The following TMTC4 variants were observed in gnomAD, a reference collection of about 807,000 sequenced individuals.
The protein encoded by TMTC4 is protein O-mannosyl-transferase TMTC4.
In TMTC4, 65 loss-of-function variants were observed where a neutral mutation model predicts 86.0. That is an observed-to-expected ratio of 0.76 (90% confidence interval 0.62 to 0.93). The LOEUF (loss-of-function observed/expected upper bound fraction) is 0.93. Ranked by LOEUF, TMTC4 falls within the 40% of genes least tolerant of loss-of-function variation. TMTC4 has a pLI of 0.00. For missense variants in TMTC4, 866 were observed against 948.1 expected (o/e 0.91, Z 1.14); for synonymous variants, 379 against 382.5 (o/e 0.99, Z 0.11).
chr13:100,617,716 C>G (rs1050495270), intron 15 of TMTC4, among the ~76,000 whole-genome samples: 2 of 152,154 alleles, frequency 1.3e-5, no homozygotes, highest in African/African-American at 4.8e-5. Context: ...GCACCAGTAC[C>G]ATACTGTTTT....
In TMTC4 at chr13:100,637,461, C is replaced by A; in HGVS notation, c.999+77G>T. 3.9e-6 allele frequency: 6 copies of A among 1,525,142 alleles called. No homozygotes were observed. In the Admixed American group the frequency reaches 1.2e-4, roughly 30 times the overall value. 94.5% of individuals were successfully genotyped at this position (1,525,142 alleles called of 1,614,324 possible). A position where few individuals can be genotyped will look rare whatever the true frequency, so the allele number is the denominator to read the frequency against. ...TTTGTTGGCGTGCAGAGGAGTGAGACGAGGAGGAGGGGTGAGGGATCTGGG... is the reference window on the plus strand; with the variant it reads ...TTTGTTGGCGTGCAGAGGAGTGAGAAGAGGAGGAGGGGTGAGGGATCTGGG... On this transcript the variant is annotated intron_variant, in intron 9 of 18. Transcript: ENST00000342624.
rs1880413563 is a variant in TMTC4 at position 100,625,814 on chromosome 13, C to T, written c.1665G>A (p.Glu555=). 3 of 1,613,820 alleles carry T rather than the reference C, an allele frequency of 1.9e-6. No individual in the cohort carries two copies. The highest frequency in any genetic ancestry group is 1.7e-4 in the Middle Eastern group (1 of 5,804). Residue 555 remains glutamate (E), a synonymous_variant, in exon 14 of 19, where the codon GAG becomes GAA. Coordinates refer to ENST00000342624, the MANE Select transcript of TMTC4 (RefSeq NM_032813.5). ...TTTGAACAGCCAAAGACAGCAGCTCCTCAGCTTCCTGTAGCTCATTCCTTT... is the reference window on the plus strand; with the variant it reads ...TTTGAACAGCCAAAGACAGCAGCTCTTCAGCTTCCTGTAGCTCATTCCTTT... ...LKERNELQEA[E]ELLSLAVQIQ... is the part of the protein sequence containing the mutation.
At chr13:100,632,053 A>ACTCTCTCTCTCTCTCTCTCTCTCTCT (rs67759381) in intron 12 of TMTC4, among the ~76,000 whole-genome samples, 1 of 43,110 alleles carries the variant, frequency 2.3e-5, no homozygotes, top group Non-Finnish European at 4.7e-5. Context: ...ACACACACAC[A>ACTCTCTCTCTCTCTCTCTCTCTCTCT]CTCTCTCTCT....
upstream of TMTC4, chr13:100,674,857 C>A (rs945881419): frequency 1.0e-5 from 10 of 972,226 alleles, no homozygotes; most frequent in Admixed American, 1.9e-4. Flanking sequence ...CGCACCCGAC[C>A]CCCCCCGCGC....
chr13:100,637,439 G>A, intron 9 of TMTC4, 99 bp downstream of exon 9: 1 of 1,450,108 alleles, frequency 6.9e-7, no homozygotes, highest in South Asian at 1.4e-5. Flanking sequence ...TGGGGATTTT[G>A]TTGGCGTGCA....
intron 17 of TMTC4, among the ~76,000 whole-genome samples, chr13:100,606,851 C>T (rs1876704170): frequency 6.6e-6 from 1 of 152,152 alleles, no homozygotes; most frequent in Non-Finnish European, 1.5e-5. Context: ...CAAGAACCTA[C>T]AACACTCTGG....
At chr13:100,651,504 A>G (rs2138968854) in intron 6 of TMTC4, among the ~76,000 whole-genome samples, 1 of 150,182 alleles carries the variant, frequency 6.7e-6, no homozygotes, top group African/African-American at 2.4e-5. Flanking sequence ...ACCAAAAAAA[A>G]AAAAAAAAAA....
At chr13:100,650,694 A>G (rs952174128) in intron 6 of TMTC4, among the ~76,000 whole-genome samples, 2 of 152,246 alleles carry the variant, frequency 1.3e-5, no homozygotes, top group South Asian at 2.1e-4. Context: ...ACACGGGTCC[A>G]TTTGGGGGAA....
chr13:100,655,803 G>A (rs1344904135), intron 6 of TMTC4, among the ~76,000 whole-genome samples: 3 of 152,168 alleles, frequency 2.0e-5, no homozygotes, highest in Non-Finnish European at 4.4e-5. Context: ...AATAAAAGGG[G>A]GTGGGAGTGG....
chr13:100,636,617 T>C lies in TMTC4; in HGVS notation c.1117A>G (p.Arg373Gly). The C allele has an allele frequency of 6.2e-7, 1 of 1,614,112 alleles. No individual in the cohort carries two copies. Among genetic ancestry groups the C allele is most frequent in the Non-Finnish European group, 8.5e-7 (1 of 1,180,022 alleles). The change falls in exon 10 of 19, where the codon AGG (arginine) becomes GGG (glycine). Residue 373 changes from arginine (R) to glycine (G), a missense_variant. Physicochemically the swap from Arg to Gly is moderately radical, Grantham distance 125. Transcript: ENST00000342624. ...CAGAGTGCTGCAAGTGCAATTACCCTCCAGTCGCTGATGGACTTAATGAGG... is the reference window on the plus strand; with the variant it reads ...CAGAGTGCTGCAAGTGCAATTACCCCCCAGTCGCTGATGGACTTAATGAGG... ...IPLIKSISDW[R>G]VIALAALWFC... is the part of the protein sequence containing the mutation.
intron 6 of TMTC4, among the ~76,000 whole-genome samples, chr13:100,647,196 G>C (rs553306262): frequency 6.6e-6 from 1 of 152,162 alleles, no homozygotes; most frequent in African/African-American, 2.4e-5. Flanking sequence ...TCTCCTATTA[G>C]CAGTTTATTT....
chr13:100,604,036 TC>T lies in TMTC4; in HGVS notation c.*957del, dbSNP rs1876207478. 6.6e-6 allele frequency: 1 copy of T among 152,576 alleles called. No individual in the cohort carries two copies. The highest frequency in any genetic ancestry group is 1.5e-5 in the Non-Finnish European group (1 of 68,018). The allele number at this position is 152,576 out of a possible 1,614,324, so 9.5% of individuals were successfully genotyped here. Reference sequence around the variant, plus strand: ...AGAACAAAACAAAACATTGTTTGGATCAAATAAAAAACAGCAGGAACAACTC... The same window carrying T: ...AGAACAAAACAAAACATTGTTTGGATAAATAAAAAACAGCAGGAACAACTC... On this transcript the variant is annotated 3_prime_UTR_variant, in exon 19 of 19. Coordinates refer to ENST00000342624, the MANE Select transcript of TMTC4 (RefSeq NM_032813.5).
At chr13:100,651,313 T>C (rs560076337) in intron 6 of TMTC4, among the ~76,000 whole-genome samples, 8 of 152,298 alleles carry the variant, frequency 5.3e-5, no homozygotes, top group Admixed American at 3.9e-4. Flanking sequence ...AGATGCCTCA[T>C]TGTAAGAATA....
chr13:100,630,890 T>TA (rs1361849274), intron 12 of TMTC4, among the ~76,000 whole-genome samples: 2 of 152,214 alleles, frequency 1.3e-5, no homozygotes, highest in African/African-American at 4.8e-5. Context: ...AAAAATCTGA[T>TA]ACAGCCTTAG....
intron 6 of TMTC4, among the ~76,000 whole-genome samples, chr13:100,648,532 A>G (rs931083508): frequency 1.3e-5 from 2 of 152,218 alleles, no homozygotes; most frequent in South Asian, 4.1e-4. Flanking sequence ...CCATGTGATC[A>G]AAGACCCAGC....
At chr13:100,641,921 T>G (rs558930672) in intron 7 of TMTC4, among the ~76,000 whole-genome samples, 28 of 152,374 alleles carry the variant, frequency 1.8e-4, no homozygotes, top group Non-Finnish European at 3.2e-4. Context: ...CATTCTTTTA[T>G]CTTTTTCTAC....
At chr13:100,647,229 A>G (rs1054310630) in intron 6 of TMTC4, among the ~76,000 whole-genome samples, 1 of 151,988 alleles carries the variant, frequency 6.6e-6, no homozygotes, top group African/African-American at 2.4e-5. Context: ...TTTAATTATA[A>G]ACGACCTGAT....
In TMTC4 at chr13:100,670,291, A is replaced by C. The variant is rs1886924391; in HGVS notation, c.3+69T>G. On this transcript the variant is annotated intron_variant, in intron 2 of 18. Coordinates refer to ENST00000342624, the MANE Select transcript of TMTC4 (RefSeq NM_032813.5). ...CCAGCCAAATAGGCCACCTGAAGTC[A>C]CAGGCATCTTTCTATAGCCTTCTGT... 3 of 1,561,642 alleles carry C rather than the reference A, an allele frequency of 1.9e-6. No individual in the cohort carries two copies. The Admixed American group carries it at 5.9e-5, about 31-fold the overall frequency.
At chr13:100,659,451 G>A (rs1424638205) in intron 5 of TMTC4, among the ~76,000 whole-genome samples, 1 of 152,070 alleles carries the variant, frequency 6.6e-6, no homozygotes, top group Non-Finnish European at 1.5e-5. Flanking sequence ...AACTCTTAAG[G>A]GGGCCTGAGC....
Sources: allele counts gnomAD v4.1 joint callset (sites outside exome capture counted in the v4.1 genomes callset), GRCh38; gene constraint gnomAD v4.1.1; transcripts MANE v1.5; gene names NCBI Gene and HGNC (gene_info 2026-07-23, HGNC 2026-07-21).